Variants in THSD7B observed in about 807,000 individuals in gnomAD.
The protein encoded by THSD7B is thrombospondin type-1 domain-containing protein 7B.
THSD7B carries 138 observed loss-of-function variants against 213.6 expected under a neutral mutation model. The ratio of observed to expected loss-of-function variants is 0.65; its 90% confidence interval spans 0.56 to 0.74. The LOEUF is 0.74. Among genes scored for constraint, THSD7B ranks in the 30% least tolerant of loss-of-function variants. The pLI is 0.00. For missense variants in THSD7B, 1,931 were observed against 1,991.5 expected (o/e 0.97, Z 0.58); for synonymous variants, 742 against 687.0 (o/e 1.08, Z -1.25).
chr2:137,110,250 G>C (rs1688324284), intron 4 of THSD7B, among the ~76,000 whole-genome samples: 1 of 152,104 alleles, frequency 6.6e-6, no homozygotes, highest in Non-Finnish European at 1.5e-5. Flanking sequence ...TGTCTCTGTT[G>C]TCCTCGGTGC....
chr2:137,084,569 A>G (rs1476583633), intron 3 of THSD7B, among the ~76,000 whole-genome samples: 2 of 152,296 alleles, frequency 1.3e-5, no homozygotes, highest in South Asian at 2.1e-4. Flanking sequence ...GATCTGACCA[A>G]TGACTTGTAG....
chr2:136,858,506 T>C (rs1262295338), intron 1 of THSD7B, among the ~76,000 whole-genome samples: 1 of 152,232 alleles, frequency 6.6e-6, no homozygotes, highest in African/African-American at 2.4e-5. Context: ...AGGTAATACA[T>C]CAAAAATGTC....
chr2:137,626,837 G>T (rs1438075132), intron 20 of THSD7B, among the ~76,000 whole-genome samples: 1 of 152,212 alleles, frequency 6.6e-6, no homozygotes, highest in Non-Finnish European at 1.5e-5. Context: ...TTGCTATGGT[G>T]TAACAAGGAT....
chr2:137,624,991 T>C (rs999109963), intron 20 of THSD7B, among the ~76,000 whole-genome samples: 4 of 152,076 alleles, frequency 2.6e-5, no homozygotes, highest in Non-Finnish European at 5.9e-5. Flanking sequence ...ACCCAAAGGA[T>C]TATAAATCAT....
chr2:137,555,657 C>A (rs1680945751), intron 15 of THSD7B, among the ~76,000 whole-genome samples: 1 of 152,160 alleles, frequency 6.6e-6, no homozygotes, highest in Non-Finnish European at 1.5e-5. Context: ...CAAAGGAACA[C>A]AGCTCCTCAC....
At chr2:137,383,989 A>G (rs1685835764) in intron 12 of THSD7B, among the ~76,000 whole-genome samples, 1 of 152,184 alleles carries the variant, frequency 6.6e-6, no homozygotes, top group South Asian at 2.1e-4. Context: ...TGAAACAATT[A>G]AGCATTTTTT....
At chr2:136,855,693 A>T (rs1683170789) in intron 1 of THSD7B, among the ~76,000 whole-genome samples, 1 of 151,440 alleles carries the variant, frequency 6.6e-6, no homozygotes, top group Non-Finnish European at 1.5e-5. Flanking sequence ...GCTGGTCTCG[A>T]ACTCCTGACC....
chr2:137,050,927 G>A (rs1687061344), intron 2 of THSD7B, among the ~76,000 whole-genome samples: 1 of 152,164 alleles, frequency 6.6e-6, no homozygotes, highest in Non-Finnish European at 1.5e-5. Flanking sequence ...TATCTGATGA[G>A]CAGGTTTTCA....
chr2:137,523,377 G>A (rs2105169669), intron 15 of THSD7B, among the ~76,000 whole-genome samples: 1 of 152,256 alleles, frequency 6.6e-6, no homozygotes, highest in East Asian at 1.9e-4. Context: ...TGTTTTAGAG[G>A]TTAGGAGAAA....
chr2:137,105,196 A>C (rs1005086166), intron 4 of THSD7B, among the ~76,000 whole-genome samples: 1 of 152,220 alleles, frequency 6.6e-6, no homozygotes, highest in African/African-American at 2.4e-5. Context: ...GCACAGCAAA[A>C]AGTTTATTCA....
Position 137,394,611 on chromosome 2 carries a change from G to T in THSD7B, c.2501-11002G>T, listed in dbSNP as rs925605792. On this transcript the variant is annotated intron_variant, in intron 12 of 27. Coordinates refer to ENST00000409968, the MANE Select transcript of THSD7B (RefSeq NM_001316349.2). ...CAGGTAGTGTGATGCCTCCAGCTTT[G>T]TTCTTTTGGCTTAGGATTGCCTTGG... 3.9e-4 allele frequency among the ~76,000 whole-genome samples: 53 copies of T among 137,074 alleles called. 6 individuals carry two copies. The highest frequency in any genetic ancestry group is 1.4e-3 in the African/African-American group (53 of 36,730). 89.9% of individuals were successfully genotyped at this position (137,074 alleles called of 152,430 possible).
chr2:137,381,143 T>C (rs113967393), intron 12 of THSD7B, among the ~76,000 whole-genome samples: 4,991 of 152,308 alleles, frequency 0.033, 303 homozygotes, highest in African/African-American at 0.11. Context: ...CCACCGATTC[T>C]GGGTCAGCCA....
intron 14 of THSD7B, among the ~76,000 whole-genome samples, chr2:137,425,574 G>C (rs1237946885): frequency 6.6e-5 from 10 of 152,112 alleles, no homozygotes; most frequent in Non-Finnish European, 7.4e-5. Context: ...AAATGCTATT[G>C]CATTTATATC....
At chr2:137,454,128 G>T (rs1687711356) in intron 15 of THSD7B, among the ~76,000 whole-genome samples, 1 of 152,136 alleles carries the variant, frequency 6.6e-6, no homozygotes, top group Admixed American at 6.5e-5. Context: ...TAAATGCCCA[G>T]CAATGGGATT....
At chr2:137,535,419 C>T (rs142514892) in intron 15 of THSD7B, among the ~76,000 whole-genome samples, 9 of 151,656 alleles carry the variant, frequency 5.9e-5, no homozygotes, top group Non-Finnish European at 8.9e-5. Context: ...AAATGGAATT[C>T]GAACACCTAT....
In THSD7B at chr2:137,062,759, G is replaced by A. The variant is rs76159535; in HGVS notation, c.950+5529G>A. ...TATCTTGAATATTTTATGTGAACTC[G>A]AGAAGAATGTGTGTACTCTGCTGTA... On this transcript the variant is annotated intron_variant, in intron 3 of 27. Transcript: ENST00000409968. 4.4e-4 allele frequency among the ~76,000 whole-genome samples: 67 copies of A among 151,836 alleles called. 1 individual carries two copies. Among genetic ancestry groups the A allele is most frequent in the African/African-American group, 1.6e-3 (66 of 41,486 alleles).
At chr2:137,659,014 C>T (rs1223863540) in intron 24 of THSD7B, among the ~76,000 whole-genome samples, 2 of 152,300 alleles carry the variant, frequency 1.3e-5, no homozygotes, top group African/African-American at 2.4e-5. Flanking sequence ...GTTACAGAGA[C>T]ATACATTGTC....
At position 137,331,871 on chromosome 2, in the gene THSD7B, C is replaced by T. The variant is rs577523163; in HGVS notation, c.2500+55845C>T. 1.6e-4 allele frequency among the ~76,000 whole-genome samples: 25 copies of T among 152,238 alleles called. No homozygotes were observed. The East Asian group carries it at 3.9e-3, about 24-fold the overall frequency. ...CCCGGGTGCTAAGCCCCTCATTGCC[C>T]GGGGCCGGCGGGGCCGGCCGGCTGC... On this transcript the variant is annotated intron_variant, in intron 12 of 27. Transcript: ENST00000409968.
chr2:136,947,221 T>G (rs2105067600), intron 2 of THSD7B, among the ~76,000 whole-genome samples: 1 of 152,174 alleles, frequency 6.6e-6, no homozygotes, highest in African/African-American at 2.4e-5. Flanking sequence ...CTGTTTATTC[T>G]TGTGTTTTCA....
Sources: allele counts gnomAD v4.1 joint callset (sites outside exome capture counted in the v4.1 genomes callset), GRCh38; gene constraint gnomAD v4.1.1; transcripts MANE v1.5; gene names NCBI Gene and HGNC (gene_info 2026-07-23, HGNC 2026-07-21).